The following BICRAL variants were observed in gnomAD, a reference collection of about 807,000 sequenced individuals.
BICRAL encodes BRD4-interacting chromatin-remodeling complex-associated protein-like.
Under a neutral mutation model 91.8 loss-of-function variants are expected in BICRAL, and 8 were observed. The ratio of observed to expected loss-of-function variants is 0.09; its 90% CI spans 0.05 to 0.16. BICRAL has a LOEUF of 0.16. Among genes scored for constraint, BICRAL ranks in the 10% least tolerant of loss-of-function variants. The pLI is 1.00. For missense variants in BICRAL, 1,038 were observed against 1,310.9 expected (o/e 0.79, Z 3.21); for synonymous variants, 445 against 491.1 (o/e 0.91, Z 1.24).
At position 42,860,281 on chromosome 6, in the gene BICRAL, A is replaced by T; in HGVS notation, c.2274A>T (p.Thr758=). The change falls in exon 11 of 13, where the codon ACA becomes ACT. Residue 758 remains threonine, a synonymous_variant. Transcript: ENST00000314073. ...TTAAAGTGGACAATGAATTTGAGAC[A>T]GTTGCCACTCAGCTCCTAAAAAGGA... The part of the protein sequence containing the change: ...DLRKVDNEFE[T]VATQLLKRTQ... The T allele has an allele frequency of 6.2e-7, 1 of 1,603,378 alleles. No individual in the cohort carries two copies. Among genetic ancestry groups the T allele is most frequent in the South Asian group, 1.1e-5 (1 of 90,804 alleles).
At chr6:42,789,824 G>C (rs770041769) in intron 1 of BICRAL, among the ~76,000 whole-genome samples, 8 of 152,160 alleles carry the variant, frequency 5.3e-5, no homozygotes, top group African/African-American at 1.7e-4. Flanking sequence ...AGAGATTGTA[G>C]TATAGGACCT....
At chr6:42,756,933 C>CCTCCCTCT (rs1385602483) in intron 1 of BICRAL, among the ~76,000 whole-genome samples, 7 of 116,242 alleles carry the variant, frequency 6.0e-5, no homozygotes, top group Non-Finnish European at 8.7e-5. Flanking sequence ...CCCCCCCCAC[C>CCTCCCTCT]CTCCCTCTCT....
In BICRAL at chr6:42,789,022, A is replaced by G. The variant is rs1279429770; in HGVS notation, c.-102+6921A>G. On this transcript the variant is annotated intron_variant, in intron 1 of 12. Transcript: ENST00000314073. Reference sequence around the variant, plus strand: ...GGAGAAGCAGTGCCAGAGGCTTGAGAGTAGTTGCAAGGGGGTGATTTTGAT... The same window carrying G: ...GGAGAAGCAGTGCCAGAGGCTTGAGGGTAGTTGCAAGGGGGTGATTTTGAT... Among the ~76,000 whole-genome samples, 8 of 152,210 alleles carry G rather than the reference A, an allele frequency of 5.3e-5. No homozygotes were observed. The East Asian group carries it at 1.4e-3, about 26-fold the overall frequency.
Position 42,865,137 on chromosome 6 carries a change from G to A in BICRAL, c.2931G>A (p.Leu977=), listed in dbSNP as rs759814292. The part of the protein sequence containing the change: ...TCNNSFQDKS[L]RNSPKNEVLH... ...ACAATTCCTTCCAGGACAAAAGTCTGAGGAATTCTCCAAAGAATGAAGTTT... is the reference window on the plus strand; with the variant it reads ...ACAATTCCTTCCAGGACAAAAGTCTAAGGAATTCTCCAAAGAATGAAGTTT... The change falls in exon 13 of 13, where the codon CTG becomes CTA. Residue 977 remains leucine, a synonymous_variant. Transcript: ENST00000314073. The A allele has an allele frequency of 4.3e-6, 7 of 1,614,002 alleles. No homozygotes were observed. In the South Asian group the frequency reaches 7.7e-5, roughly 18 times the overall value.
intron 5 of BICRAL, among the ~76,000 whole-genome samples, chr6:42,826,841 C>CA (rs2113952409): frequency 6.6e-6 from 1 of 152,108 alleles, no homozygotes; most frequent in Non-Finnish European, 1.5e-5. Context: ...GGCTGGAGTG[C>CA]AATGGCACAA....
At chr6:42,855,734 C>G (rs767355313) in intron 8 of BICRAL, 122 bp from the exon 9 acceptor site, 37 of 714,744 alleles carry the variant, frequency 5.2e-5, no homozygotes, top group Non-Finnish European at 4.8e-5. Context: ...AGGGCACATT[C>G]TGTAGTCTTA....
At chr6:42,804,072 G>A (rs7761514) in intron 1 of BICRAL, among the ~76,000 whole-genome samples, 7,280 of 152,228 alleles carry the variant, frequency 0.048, 594 homozygotes, top group African/African-American at 0.16. Flanking sequence ...GCCCAGGCTG[G>A]AGTGCAATGG....
chr6:42,758,470 G>A (rs755018963), intron 1 of BICRAL, among the ~76,000 whole-genome samples: 6 of 152,190 alleles, frequency 3.9e-5, no homozygotes, highest in East Asian at 1.9e-4. Flanking sequence ...CCATGTATTC[G>A]TGCTGCACTT....
chr6:42,862,628 G>T lies in BICRAL; in HGVS notation c.2452+16G>T, dbSNP rs1182014064. 7.2e-7 allele frequency: 1 copy of T among 1,392,866 alleles called. No individual in the cohort carries two copies. The highest frequency in any genetic ancestry group is 1.0e-6 in the Non-Finnish European group (1 of 978,438). 86.3% of individuals were successfully genotyped at this position (1,392,866 alleles called of 1,614,324 possible). A position where few individuals can be genotyped will look rare whatever the true frequency, so the allele number is the denominator to read the frequency against. On this transcript the variant is annotated intron_variant, in intron 12 of 12. Coordinates refer to ENST00000314073, the MANE Select transcript of BICRAL (RefSeq NM_001393499.1). ...GTAGACCCTGGTAAGAAACATCGCA[G>T]TGAAAGTAGTGGATAGCTCCTGCCA...
intron 1 of BICRAL, among the ~76,000 whole-genome samples, chr6:42,749,255 A>G (rs1311238992): frequency 6.6e-6 from 1 of 152,192 alleles, no homozygotes; most frequent in Non-Finnish European, 1.5e-5. Context: ...AGCTTCAACA[A>G]CTGCCAACTG....
intron 9 of BICRAL, 30 bp from the exon 10 acceptor site, chr6:42,857,061 A>T: frequency 6.4e-7 from 1 of 1,573,324 alleles, no homozygotes; most frequent in African/African-American, 1.4e-5. Flanking sequence ...ACATGACTTT[A>T]CATTGACATT....
chr6:42,830,082 G>A lies in BICRAL; in HGVS notation c.1749G>A (p.Val583=). ...ACAGGACTCCAGTACCAGTCAGTGT[G>A]TCTCATCGTCTTCCAGTTTCTTCTT... ...QPNRTPVPVS[V]SHRLPVSSSK... The change falls in exon 6 of 13, where the codon GTG becomes GTA. Residue 583 remains valine (V), a synonymous_variant. Coordinates refer to ENST00000314073, the MANE Select transcript of BICRAL (RefSeq NM_001393499.1). 6.2e-7 allele frequency: 1 copy of A among 1,614,168 alleles called. No homozygotes were observed. Among genetic ancestry groups the A allele is most frequent in the East Asian group, 2.2e-5 (1 of 44,890 alleles).
At chr6:42,815,185 CTT>C (rs869106375) in intron 2 of BICRAL, among the ~76,000 whole-genome samples, 454 of 101,082 alleles carry the variant, frequency 4.5e-3, no homozygotes, top group African/African-American at 0.016. Context: ...GTCAGAATAT[CTT>C]TTTTTTTTTT....
chr6:42,840,022 TA>T (rs1439564926), intron 6 of BICRAL, among the ~76,000 whole-genome samples: 1 of 152,218 alleles, frequency 6.6e-6, no homozygotes, highest in African/African-American at 2.4e-5. Flanking sequence ...GGAGACAATT[TA>T]AAATAATCTA....
intron 10 of BICRAL, among the ~76,000 whole-genome samples, chr6:42,858,988 T>C (rs1765471744): frequency 6.6e-6 from 1 of 152,038 alleles, no homozygotes; most frequent in South Asian, 2.1e-4. Context: ...CTACAAGTCT[T>C]ACTCCTCCTG....
intron 1 of BICRAL, among the ~76,000 whole-genome samples, chr6:42,793,295 A>ATTTTTTTTT: frequency 1.2e-4 from 4 of 34,386 alleles, no homozygotes; most frequent in Non-Finnish European, 2.0e-4. Context: ...AGACCCAGCT[A>ATTTTTTTTT]ATTTTTTTTT....
At chr6:42,792,177 T>TTAA (rs1441669092) in intron 1 of BICRAL, among the ~76,000 whole-genome samples, 2 of 152,170 alleles carry the variant, frequency 1.3e-5, no homozygotes, top group African/African-American at 4.8e-5. Context: ...ACTGTGAACT[T>TTAA]AATAAACACC....
intron 2 of BICRAL, among the ~76,000 whole-genome samples, chr6:42,818,330 C>T (rs1050198806): frequency 6.6e-6 from 1 of 151,930 alleles, no homozygotes; most frequent in Non-Finnish European, 1.5e-5. Flanking sequence ...CTGATTAAAT[C>T]TTTGATATTC....
At chr6:42,802,884 C>T (rs1419957555) in intron 1 of BICRAL, among the ~76,000 whole-genome samples, 1 of 152,184 alleles carries the variant, frequency 6.6e-6, no homozygotes, top group Non-Finnish European at 1.5e-5. Context: ...CCCGGCTCCT[C>T]ATTTCTCAAT....
Sources: allele counts gnomAD v4.1 joint callset (sites outside exome capture counted in the v4.1 genomes callset), GRCh38; gene constraint gnomAD v4.1.1; transcripts MANE v1.5; gene names NCBI Gene and HGNC (gene_info 2026-07-23, HGNC 2026-07-21).